SLC8A1: variants seen among roughly 807,000 people sequenced by gnomAD.
SLC8A1 encodes solute carrier family 8 member A1.
A neutral mutation model predicts 68.3 loss-of-function variants in SLC8A1; 18 were observed. The ratio of observed to expected loss-of-function variants is 0.26; its 90% CI spans 0.18 to 0.39. The LOEUF (loss-of-function observed/expected upper bound fraction) is 0.39, where lower values mean the gene tolerates loss of function less well. SLC8A1 is among the 10% of genes least tolerant of loss of function. The pLI is 1.00. For synonymous variants in SLC8A1, 475 were observed against 415.5 expected (o/e 1.14, Z -1.74); for missense variants, 985 against 1,156.7 (o/e 0.85, Z 2.15).
At chr2:40,434,613 A>G (rs1224149549) in intron 1 of SLC8A1, among the ~76,000 whole-genome samples, 1 of 152,184 alleles carries the variant, frequency 6.6e-6, no homozygotes, top group Non-Finnish European at 1.5e-5. Context: ...ATTTACCAAT[A>G]CAAAGTATAG....
chr2:40,431,824 A>G (rs1321821141), intron 1 of SLC8A1, among the ~76,000 whole-genome samples: 9 of 152,104 alleles, frequency 5.9e-5, no homozygotes, highest in Admixed American at 6.5e-5. Context: ...CTTATACTGC[A>G]AACTGCACCA....
intron 2 of SLC8A1, among the ~76,000 whole-genome samples, chr2:40,255,475 T>C (rs1464128285): frequency 6.6e-6 from 1 of 152,154 alleles, no homozygotes; most frequent in Non-Finnish European, 1.5e-5. Context: ...ATCTCCACTA[T>C]CATCAAAAAG....
intron 2 of SLC8A1, among the ~76,000 whole-genome samples, chr2:40,358,425 A>G (rs980727352): frequency 2.6e-5 from 4 of 152,232 alleles, no homozygotes; most frequent in Admixed American, 6.5e-5. Flanking sequence ...ACTTAGGAAC[A>G]TAAAAGGCAG....
intron 2 of SLC8A1, among the ~76,000 whole-genome samples, chr2:40,332,996 T>C (rs1435940334): frequency 6.6e-6 from 1 of 152,214 alleles, no homozygotes; most frequent in East Asian, 1.9e-4. Context: ...GAAATAAAAA[T>C]GTAGCTTTCT....
At chr2:40,272,075 C>T (rs954439749) in intron 2 of SLC8A1, among the ~76,000 whole-genome samples, 1 of 152,002 alleles carries the variant, frequency 6.6e-6, no homozygotes, top group African/African-American at 2.4e-5. Flanking sequence ...CACTGTATTG[C>T]CCTGGCTGGC....
chr2:40,444,712 T>A (rs1385748273), intron 1 of SLC8A1, among the ~76,000 whole-genome samples: 2 of 152,230 alleles, frequency 1.3e-5, no homozygotes, highest in East Asian at 3.9e-4. Context: ...TTGCATGATG[T>A]GAAAATTATG....
intron 2 of SLC8A1, among the ~76,000 whole-genome samples, chr2:40,396,444 T>A (rs887640341): frequency 3.3e-5 from 5 of 152,152 alleles, no homozygotes; most frequent in Admixed American, 1.3e-4. Flanking sequence ...AATACCATCA[T>A]TCTATTCTAG....
intron 2 of SLC8A1, among the ~76,000 whole-genome samples, chr2:40,401,298 T>C (rs1394751891): frequency 1.3e-5 from 2 of 152,228 alleles, no homozygotes; most frequent in Non-Finnish European, 2.9e-5. Flanking sequence ...CTACAAGTTT[T>C]CCTGCCTCTA....
intron 2 of SLC8A1, among the ~76,000 whole-genome samples, chr2:40,291,533 C>T (rs566141615): frequency 2.0e-5 from 3 of 152,160 alleles, no homozygotes; most frequent in East Asian, 3.9e-4. Flanking sequence ...GTCACTAGGA[C>T]AGTTTTACTC....
intron 2 of SLC8A1, among the ~76,000 whole-genome samples, chr2:40,277,794 G>GTATATATATATATATATA (rs56145701): frequency 7.8e-4 from 84 of 107,998 alleles, no homozygotes; most frequent in East Asian, 1.8e-3. Context: ...ATATATGTGT[G>GTATATATATATATATATA]TATATATATA....
At chr2:40,170,171 T>C in intron 4 of SLC8A1, 110 bp downstream of exon 7, 1 of 933,862 alleles carries the variant, frequency 1.1e-6, no homozygotes, top group African/African-American at 1.6e-5. Context: ...TGCAGCATTA[T>C]TTAGCAATGT....
chr2:40,342,204 A>G (rs922909633), intron 2 of SLC8A1, among the ~76,000 whole-genome samples: 2 of 152,104 alleles, frequency 1.3e-5, no homozygotes, highest in African/African-American at 4.8e-5. Flanking sequence ...GGCCCTATAG[A>G]TATTAACTAC....
chr2:40,390,477 C>A (rs1684923804), intron 2 of SLC8A1, among the ~76,000 whole-genome samples: 1 of 152,066 alleles, frequency 6.6e-6, no homozygotes, highest in South Asian at 2.1e-4. Context: ...CCTGGACCAC[C>A]AATTTCAGAA....
intron 2 of SLC8A1, among the ~76,000 whole-genome samples, chr2:40,193,523 A>T (rs1256564165): frequency 6.6e-6 from 1 of 152,138 alleles, no homozygotes; most frequent in East Asian, 1.9e-4. Flanking sequence ...TGGCATGTTT[A>T]AGAAGCATCA....
chr2:40,240,696 T>C (rs534044276), intron 2 of SLC8A1, among the ~76,000 whole-genome samples: 23 of 152,198 alleles, frequency 1.5e-4, no homozygotes, highest in Non-Finnish European at 3.1e-4. Flanking sequence ...GAGCATTCAC[T>C]ACATACCAAG....
intron 2 of SLC8A1, among the ~76,000 whole-genome samples, chr2:40,229,514 A>C (rs2059384314): frequency 6.6e-6 from 1 of 152,152 alleles, no homozygotes; most frequent in South Asian, 2.1e-4. Context: ...GCAGCTGCAA[A>C]ACTTTATTCA....
In SLC8A1 at chr2:40,186,464, C is replaced by T. The variant is rs6758144; in HGVS notation, c.1809-8609G>A. 1.4e-3 allele frequency among the ~76,000 whole-genome samples: 220 copies of T among 152,162 alleles called. 3 individuals are homozygous for T. The highest frequency in any genetic ancestry group is 5.1e-3 in the African/African-American group (210 of 41,514). ...AGATCCATGCATATATTATCATTTTCTGTAAGTGACCCAAACCAACTCCTC... is the reference window on the plus strand; with the variant it reads ...AGATCCATGCATATATTATCATTTTTTGTAAGTGACCCAAACCAACTCCTC... On this transcript the variant is annotated intron_variant, in intron 2 of 7. Coordinates refer to ENST00000406785, the Ensembl canonical transcript of SLC8A1.
chr2:40,501,160 T>C (rs1706039189), intron 1 of SLC8A1, among the ~76,000 whole-genome samples: 1 of 152,076 alleles, frequency 6.6e-6, no homozygotes, highest in East Asian at 1.9e-4. Flanking sequence ...TTGAGTTTTC[T>C]GCTCAAATTT....
chr2:40,258,689 A>G (rs1169966860), intron 2 of SLC8A1, among the ~76,000 whole-genome samples: 3 of 152,072 alleles, frequency 2.0e-5, no homozygotes, highest in Non-Finnish European at 4.4e-5. Flanking sequence ...TAAAAATACA[A>G]AAATTAGCCA....
Sources: allele counts gnomAD v4.1 joint callset (sites outside exome capture counted in the v4.1 genomes callset), GRCh38; gene constraint gnomAD v4.1.1; transcripts MANE v1.5; gene names NCBI Gene and HGNC (gene_info 2026-07-23, HGNC 2026-07-21).